ACOT7: variants seen among roughly 807,000 people sequenced by gnomAD.
The protein encoded by ACOT7 is cytosolic acyl coenzyme A thioester hydrolase.
ACOT7 carries 12 observed loss-of-function variants against 40.2 expected under a neutral mutation model. The ratio of observed to expected loss-of-function variants is 0.30; its 90% CI spans 0.19 to 0.48. ACOT7 has a LOEUF of 0.48. Among genes scored for constraint, ACOT7 ranks in the 20% least tolerant of loss-of-function variants. ACOT7 has a pLI of 0.99. For synonymous variants in ACOT7, 228 were observed against 219.5 expected, an observed-to-expected ratio of 1.04 and a Z score of -0.34; for missense variants, 395 against 530.8, an observed-to-expected ratio of 0.74 and a Z score of 2.51.
chr1:6,311,797 C>T lies in ACOT7; in HGVS notation c.712+6695G>A, dbSNP rs569604837. On this transcript the variant is annotated intron_variant, in intron 6 of 8. Transcript: ENST00000361521. The surrounding 1 kb of genome is among the most constrained non-coding windows in gnomAD (Gnocchi z 5.2). ...CCTTTCTCACAGCCGTTTCTCTTTC[C>T]CAGGGTAGGACGTTTACCGCGGCAG... 3.9e-4 allele frequency among the ~76,000 whole-genome samples: 59 copies of T among 152,318 alleles called. No individual in the cohort carries two copies. The highest frequency in any genetic ancestry group is 1.4e-3 in the African/African-American group (58 of 41,566).
In ACOT7 at chr1:6,266,682, C is replaced by T. The variant is rs141491530; in HGVS notation, c.1015-1987G>A. Among the ~76,000 whole-genome samples the T allele has an allele frequency of 7.7e-4, 117 of 152,388 alleles. 1 individual carries two copies. Among genetic ancestry groups the T allele is most frequent in the Middle Eastern group, 3.4e-3 (1 of 294 alleles). Reference sequence around the variant, plus strand: ...TATAGGGGCCTTGTCCTCCCCTTCCCCTGTGGAATTGCTTGGTGATGTGGA... The same window carrying T: ...TATAGGGGCCTTGTCCTCCCCTTCCTCTGTGGAATTGCTTGGTGATGTGGA... On this transcript the variant is annotated intron_variant, in intron 8 of 8. Coordinates refer to ENST00000361521, the MANE Select transcript of ACOT7 (RefSeq NM_007274.4).
chr1:6,385,856 C>T (rs978702663), intron 1 of ACOT7: 1 of 1,401,406 alleles, frequency 7.1e-7, no homozygotes, highest in Non-Finnish European at 9.3e-7. Flanking sequence ...CCTCGGCTTC[C>T]GGAACTGGAT....
rs114499940 is a variant in ACOT7, at chr1:6,333,034, A to G, written c.510+443T>C. On this transcript the variant is annotated intron_variant, in intron 4 of 8. Coordinates refer to ENST00000361521, the MANE Select transcript of ACOT7 (RefSeq NM_007274.4). ...AACCAGCTTGCAGGGGCCACGGGGG[A>G]ACAGCTGGCCCGGCCCCCGCAGCCT... Among the ~76,000 whole-genome samples the G allele has an allele frequency of 7.5e-3, 1,144 of 152,228 alleles. 14 individuals are homozygous for G. Among genetic ancestry groups the G allele is most frequent in the African/African-American group, 0.026 (1,077 of 41,538 alleles).
intron 6 of ACOT7, among the ~76,000 whole-genome samples, chr1:6,305,557 C>T (rs1157328697): frequency 4.2e-4 from 62 of 149,264 alleles, no homozygotes; most frequent in African/African-American, 1.5e-3. Flanking sequence ...TCAGACGGGG[C>T]GGCCGGGCAG....
At position 6,338,243 on chromosome 1, in the gene ACOT7, C is replaced by T. The variant is rs144849382; in HGVS notation, c.418+1190G>A. Reference sequence around the variant, plus strand: ...GCCATCCCTCCTCTCCAGGAAGGGGCCAAGGCTCCACCCCCAGCACAGTCG... The same window carrying T: ...GCCATCCCTCCTCTCCAGGAAGGGGTCAAGGCTCCACCCCCAGCACAGTCG... On this transcript the variant is annotated intron_variant, in intron 3 of 8. Transcript: ENST00000361521. This position sits in a 1 kb window ranked among gnomAD's most constrained non-coding sequence, Gnocchi z 4.4. Among the ~76,000 whole-genome samples, 3 of 152,178 alleles carry T rather than the reference C, an allele frequency of 2.0e-5. No homozygotes were observed. The highest frequency in any genetic ancestry group is 7.2e-5 in the African/African-American group (3 of 41,444).
intron 3 of ACOT7, among the ~76,000 whole-genome samples, chr1:6,339,182 C>G (rs1021157442): frequency 6.6e-6 from 1 of 152,178 alleles, no homozygotes; most frequent in African/African-American, 2.4e-5. Context: ...GTGCTCAGGC[C>G]GGACCCAGAC....
chr1:6,323,737 A>AAATATATAT (rs1553158667), intron 5 of ACOT7, among the ~76,000 whole-genome samples: 3 of 38,410 alleles, frequency 7.8e-5, no homozygotes, highest in Non-Finnish European at 1.0e-4. Flanking sequence ...AAAAAAAAAA[A>AAATATATAT]ATATATATAT....
chr1:6,384,030 AATAG>A (rs1267785736), intron 1 of ACOT7, among the ~76,000 whole-genome samples: 1 of 151,738 alleles, frequency 6.6e-6, no homozygotes, highest in Admixed American at 6.6e-5. Flanking sequence ...TTTAATCTTT[AATAG>A]AGATCAGATC....
chr1:6,307,001 C>T, intron 6 of ACOT7: 1 of 1,078,670 alleles, frequency 9.3e-7, no homozygotes, highest in South Asian at 1.4e-5. Context: ...TCCCTTTCCT[C>T]TGCCTCCTCC....
At chr1:6,284,786 G>A (rs948701257) in intron 7 of ACOT7, among the ~76,000 whole-genome samples, 11 of 152,104 alleles carry the variant, frequency 7.2e-5, no homozygotes, top group African/African-American at 2.7e-4. Context: ...CTCTACAAGG[G>A]CCCCTAGCCT....
Position 6,352,920 on chromosome 1 carries a change from C to G in ACOT7, c.144-3054G>C, listed in dbSNP as rs963084368. Among the ~76,000 whole-genome samples the G allele has an allele frequency of 6.6e-6, 1 of 152,096 alleles. No homozygotes were observed. Among genetic ancestry groups the G allele is most frequent in the African/African-American group, 2.4e-5 (1 of 41,422 alleles). On this transcript the variant is annotated intron_variant, in intron 1 of 8. Transcript: ENST00000361521. This position sits in a 1 kb window ranked among gnomAD's most constrained non-coding sequence, Gnocchi z 4.5. Reference sequence around the variant, plus strand: ...TTGAGACAGCGTCTCATTCTGTCACCCAGGCTGGAGTACAGTGGCATGATC... The same window carrying G: ...TTGAGACAGCGTCTCATTCTGTCACGCAGGCTGGAGTACAGTGGCATGATC...
rs531331617 is a variant in ACOT7, at chr1:6,351,308, G to A, written c.144-1442C>T. On this transcript the variant is annotated intron_variant, in intron 1 of 8. Coordinates refer to ENST00000361521, the MANE Select transcript of ACOT7 (RefSeq NM_007274.4). Reference sequence around the variant, plus strand: ...GCTCAGGGACAGTTGCCTGTGGAGCGGCCGGCACGGCGTGACACAGTGGCC... The same window carrying A: ...GCTCAGGGACAGTTGCCTGTGGAGCAGCCGGCACGGCGTGACACAGTGGCC... Among the ~76,000 whole-genome samples the A allele has an allele frequency of 9.8e-5, 15 of 152,360 alleles. No individual in the cohort carries two copies. In the East Asian group the frequency reaches 2.5e-3, roughly 25 times the overall value.
intron 6 of ACOT7, among the ~76,000 whole-genome samples, chr1:6,305,758 A>G (rs922823058): frequency 6.7e-6 from 1 of 149,522 alleles, no homozygotes; most frequent in African/African-American, 2.4e-5. Context: ...GCGGCCAGGC[A>G]GAGACGCTCC....
chr1:6,353,323 G>GAA (rs141501484), intron 1 of ACOT7, among the ~76,000 whole-genome samples: 2 of 147,472 alleles, frequency 1.4e-5, no homozygotes, highest in African/African-American at 4.9e-5. Context: ...TGTCTCAAAA[G>GAA]AAAAAAAAAA....
At chr1:6,335,991 C>T (rs1641090454) in intron 3 of ACOT7, among the ~76,000 whole-genome samples, 1 of 152,184 alleles carries the variant, frequency 6.6e-6, no homozygotes, top group Admixed American at 6.5e-5. Context: ...ATGAGGCAAA[C>T]ATGCTAATTG....
intron 1 of ACOT7, among the ~76,000 whole-genome samples, chr1:6,375,484 G>A (rs564702012): frequency 4.0e-5 from 6 of 151,814 alleles, no homozygotes; most frequent in Admixed American, 3.3e-4. Context: ...TCTGGCCAAC[G>A]TAGAGAAACC....
At chr1:6,349,540 T>G (rs1047295939) in intron 2 of ACOT7, among the ~76,000 whole-genome samples, 2 of 152,142 alleles carry the variant, frequency 1.3e-5, no homozygotes, top group Non-Finnish European at 2.9e-5. Flanking sequence ...TCATCTCTGG[T>G]GGGTTCCTAC....
In ACOT7 at chr1:6,288,753, G is replaced by C. The variant is rs541742141; in HGVS notation, c.829+6111C>G. ...GTGGCAGTGGCCTCCATGGCCGCGG[G>C]TGAGGCCTCTCCCAGCCACGACAAG... is the stretch of plus-strand genomic sequence containing the variant. On this transcript the variant is annotated intron_variant, in intron 7 of 8. Transcript: ENST00000361521. This position sits in a 1 kb window ranked among gnomAD's most constrained non-coding sequence, Gnocchi z 4.3. Among the ~76,000 whole-genome samples the C allele has an allele frequency of 1.4e-3, 207 of 152,346 alleles. 1 individual carries two copies. Among genetic ancestry groups the C allele is most frequent in the African/African-American group, 4.6e-3 (191 of 41,578 alleles).
At position 6,282,606 on chromosome 1, in the gene ACOT7, G is replaced by T; in HGVS notation, c.830-1320C>A. 2 of 746,856 alleles carry T rather than the reference G, an allele frequency of 2.7e-6. No individual in the cohort carries two copies. The highest frequency in any genetic ancestry group is 4.1e-6 in the Non-Finnish European group (2 of 493,652). The allele number at this position is 746,856 out of a possible 1,614,324, so 46.3% of individuals were successfully genotyped here. On this transcript the variant is annotated intron_variant, in intron 7 of 8. Coordinates refer to ENST00000361521, the MANE Select transcript of ACOT7 (RefSeq NM_007274.4). The surrounding 1 kb of genome is among the most constrained non-coding windows in gnomAD (Gnocchi z 4.5). ...CACAAGGCAGGTTTAGAGACCCAGA[G>T]TGAGAAAGCGGCCAGGTGGTGGCTG...
Sources: gnomAD v4.1 joint callset for allele counts (sites outside exome capture counted in the v4.1 genomes callset) on GRCh38, gnomAD v4.1.1 for gene constraint, Gnocchi (gnomAD v3.1) non-coding constraint, MANE v1.5 for transcripts, NCBI Gene and HGNC (gene_info 2026-07-23, HGNC 2026-07-21) for gene names.